Variants in COLQ observed in about 807,000 individuals in gnomAD.
COLQ encodes collagen like tail subunit of asymmetric acetylcholinesterase, also known as acetylcholinesterase collagenic tail peptide.
COLQ carries 48 observed loss-of-function variants against 69.0 expected under a neutral mutation model. The ratio of observed to expected loss-of-function variants is 0.70; its 90% CI spans 0.55 to 0.88. The LOEUF is 0.88. Among genes scored for constraint, COLQ ranks in the 40% least tolerant of loss-of-function variants. The pLI, the probability that COLQ is intolerant of heterozygous loss-of-function variation, is 0.00. For synonymous variants in COLQ, 217 were observed against 211.2 expected, an observed-to-expected ratio of 1.03 and a Z score of -0.24; for missense variants, 618 against 594.6, an observed-to-expected ratio of 1.04 and a Z score of -0.41.
rs375072260 is a variant in COLQ at position 15,456,446 on chromosome 3, T to C, written c.1074+14A>G. ...GGGCAGGGAGTATGTCCTGAGGTAA[T>C]GGCCTGGGGGTACCTGGATGGGGAG... On this transcript the variant is annotated intron_variant, in intron 14 of 16. Transcript: ENST00000383788. 1.9e-6 allele frequency: 3 copies of C among 1,613,838 alleles called. No homozygotes were observed. The highest frequency in any genetic ancestry group is 2.2e-5 in the East Asian group (1 of 44,886).
At chr3:15,490,760 C>T (rs79229736) in intron 1 of COLQ, among the ~76,000 whole-genome samples, 5,216 of 152,346 alleles carry the variant, frequency 0.034, 142 homozygotes, top group Non-Finnish European at 0.049. Flanking sequence ...ACAACCACAA[C>T]TATCACACAT....
At chr3:15,470,756 G>A in intron 10 of COLQ, 140 bp from the exon 11 acceptor site, 1 of 791,542 alleles carries the variant, frequency 1.3e-6, no homozygotes, top group Non-Finnish European at 2.3e-6. Context: ...GCCCTGCAAG[G>A]TTAGCAGAGT....
intron 11 of COLQ, among the ~76,000 whole-genome samples, chr3:15,469,383 T>C (rs1236676983): frequency 1.3e-5 from 2 of 152,192 alleles, no homozygotes; most frequent in Non-Finnish European, 2.9e-5. Context: ...TAAAGTGATA[T>C]AAGAAAAGAT....
At chr3:15,504,168 A>G (rs2062870710) in intron 1 of COLQ, among the ~76,000 whole-genome samples, 2 of 152,226 alleles carry the variant, frequency 1.3e-5, no homozygotes, top group African/African-American at 4.8e-5. Context: ...AATAAAAAAG[A>G]TTAATAAACA....
intron 12 of COLQ, among the ~76,000 whole-genome samples, chr3:15,462,303 T>G (rs9809016): frequency 0.029 from 4,421 of 152,256 alleles, 192 homozygotes; most frequent in African/African-American, 0.097. Context: ...GTGCTAGGAT[T>G]ACAGGCGTAA....
chr3:15,477,228 A>G, intron 5 of COLQ, 31 bp from the exon 6 acceptor site: 1 of 1,574,214 alleles, frequency 6.4e-7, no homozygotes, highest in Non-Finnish European at 8.7e-7. Flanking sequence ...AGTCAGGGCA[A>G]CTGGGTTTGT....
chr3:15,488,145 G>C lies in COLQ; in HGVS notation c.321+61C>G, dbSNP rs561889458. On this transcript the variant is annotated intron_variant, in intron 3 of 16. Transcript: ENST00000383788. Reference sequence around the variant, plus strand: ...AAGAGCAGACACTAAGAGGCTCTGTGCAGTGGGCTTTCCTGCTCTAAACAG... The same window carrying C: ...AAGAGCAGACACTAAGAGGCTCTGTCCAGTGGGCTTTCCTGCTCTAAACAG... 1.8e-5 allele frequency: 21 copies of C among 1,196,204 alleles called. No homozygotes were observed. The South Asian group carries it at 2.3e-4, about 13-fold the overall frequency. The allele number at this position is 1,196,204 out of a possible 1,614,324, so 74.1% of individuals were successfully genotyped here. A position where few individuals can be genotyped will look rare whatever the true frequency, so the allele number is the denominator to read the frequency against.
intron 3 of COLQ, among the ~76,000 whole-genome samples, chr3:15,482,747 C>T (rs917816322): frequency 3.9e-5 from 6 of 152,214 alleles, no homozygotes; most frequent in Non-Finnish European, 1.5e-5. Context: ...GGAGGATTCC[C>T]TCTTTTTCTG....
chr3:15,521,413 A>C, intron 1 of COLQ, 107 bp downstream of exon 1: 1 of 1,462,818 alleles, frequency 6.8e-7, no homozygotes, highest in African/African-American at 1.4e-5. Context: ...ACCTCCCTCC[A>C]CCAACAGTTG....
At chr3:15,514,425 C>A (rs974571383) in intron 1 of COLQ, among the ~76,000 whole-genome samples, 5 of 151,972 alleles carry the variant, frequency 3.3e-5, no homozygotes, top group African/African-American at 1.2e-4. Flanking sequence ...CCATGCTGGC[C>A]GTAGTTCAGT....
intron 1 of COLQ, among the ~76,000 whole-genome samples, chr3:15,492,159 C>T (rs530280859): frequency 6.6e-6 from 1 of 152,198 alleles, no homozygotes; most frequent in South Asian, 2.1e-4. Context: ...TGGTTTGATG[C>T]TCACACTTAC....
chr3:15,477,677 G>A (rs1042567878), intron 5 of COLQ: 6 of 167,866 alleles, frequency 3.6e-5, no homozygotes, highest in Admixed American at 1.1e-4. Flanking sequence ...GTTTGCCCTT[G>A]AGCAATTGGA....
chr3:15,478,750 G>A (rs565293769), intron 5 of COLQ: 23 of 625,074 alleles, frequency 3.7e-5, no homozygotes, highest in South Asian at 9.2e-5. Context: ...GGCAGCCCCC[G>A]GAAGAAGTCT....
Position 15,474,931 on chromosome 3 carries a change from C to G in COLQ, c.549G>C (p.Gly183=). Residue 183 remains glycine, a synonymous_variant, in exon 8 of 17, where the codon GGG becomes GGC. Coordinates refer to ENST00000383788, the MANE Select transcript of COLQ (RefSeq NM_005677.4). ...MGSKGYPGSR[G]EKGSRGEKGD... is the part of the protein sequence containing the mutation. Reference sequence around the variant, plus strand: ...ATCCAAGAAAAGCACTAACCTTTTCCCCTCTGGATCCAGGGTAGCCCTAAA... The same window carrying G: ...ATCCAAGAAAAGCACTAACCTTTTCGCCTCTGGATCCAGGGTAGCCCTAAA... 6.2e-7 allele frequency: 1 copy of G among 1,614,084 alleles called. No homozygotes were observed. The highest frequency in any genetic ancestry group is 1.1e-5 in the South Asian group (1 of 91,082).
At chr3:15,506,444 T>C (rs560265549) in intron 1 of COLQ, among the ~76,000 whole-genome samples, 3 of 152,322 alleles carry the variant, frequency 2.0e-5, no homozygotes, top group Admixed American at 1.3e-4. Context: ...GCTACCCAGT[T>C]CCAATTATTT....
In COLQ at chr3:15,498,952, T is replaced by G. The variant is rs2062792969; in HGVS notation, c.107-9315A>C. Reference sequence around the variant, plus strand: ...GCAATCAAACAGGCTGCTTTTCATTTGGCTCAAAAACCGACTTGACTCAAA... The same window carrying G: ...GCAATCAAACAGGCTGCTTTTCATTGGGCTCAAAAACCGACTTGACTCAAA... On this transcript the variant is annotated intron_variant, in intron 1 of 16. Coordinates refer to ENST00000383788, the MANE Select transcript of COLQ (RefSeq NM_005677.4). 2.5e-6 allele frequency: 3 copies of G among 1,183,714 alleles called. No individual in the cohort carries two copies. The South Asian group carries it at 5.6e-5, about 22-fold the overall frequency. The allele number at this position is 1,183,714 out of a possible 1,614,324, so 73.3% of individuals were successfully genotyped here. A position where few individuals can be genotyped will look rare whatever the true frequency, so the allele number is the denominator to read the frequency against.
chr3:15,477,080 C>A (rs764911038), intron 6 of COLQ, 46 bp downstream of exon 6: 3 of 1,540,074 alleles, frequency 1.9e-6, no homozygotes, highest in African/African-American at 1.4e-5. Context: ...ATCTTCCCCC[C>A]TCTTGTTTTG....
intron 1 of COLQ, among the ~76,000 whole-genome samples, chr3:15,499,705 CAT>C (rs1281135528): frequency 7.9e-5 from 12 of 152,320 alleles, no homozygotes; most frequent in Non-Finnish European, 8.8e-5. Flanking sequence ...TTGTGCAAGA[CAT>C]AATGACTAGA....
chr3:15,486,808 A>G (rs1296344823), intron 3 of COLQ, among the ~76,000 whole-genome samples: 2 of 152,210 alleles, frequency 1.3e-5, no homozygotes. Flanking sequence ...ATAGTGAGTG[A>G]GATGGACAAT....
Sources: allele counts gnomAD v4.1 joint callset (sites outside exome capture counted in the v4.1 genomes callset), GRCh38; gene constraint gnomAD v4.1.1; transcripts MANE v1.5; gene names NCBI Gene and HGNC (gene_info 2026-07-23, HGNC 2026-07-21).